Variants in FNBP4 observed in about 807,000 individuals in gnomAD.
The protein encoded by FNBP4 is formin-binding protein 4.
In FNBP4, 34 loss-of-function variants were observed where a neutral mutation model predicts 119.3. The observed-to-expected ratio is 0.28, with a 90% confidence interval of 0.22 to 0.38. The LOEUF (loss-of-function observed/expected upper bound fraction) is 0.38. Ranked by LOEUF, FNBP4 falls within the 10% of genes least tolerant of loss-of-function variation. The probability of loss-of-function intolerance (pLI) is 1.00; values close to 1 mark genes in which losing one functional copy is unlikely to be tolerated. For missense variants in FNBP4, 1,112 were observed against 1,228.9 expected, an observed-to-expected ratio of 0.90 and a Z score of 1.42; for synonymous variants, 462 against 430.6, an observed-to-expected ratio of 1.07 and a Z score of -0.90.
intron 1 of FNBP4, 101 bp downstream of exon 1, chr11:47,766,968 G>C (rs1234826965): frequency 7.1e-7 from 1 of 1,400,798 alleles, no homozygotes; most frequent in Non-Finnish European, 9.2e-7. Context: ...GGCCTCGGAA[G>C]CCGACCTCGC....
intron 16 of FNBP4, among the ~76,000 whole-genome samples, chr11:47,719,578 G>A (rs898528778): frequency 8.7e-3 from 53 of 6,106 alleles, no homozygotes; most frequent in South Asian, 0.073. Flanking sequence ...ATGTGTGTAT[G>A]TGTGTGTGTG....
chr11:47,719,109 C>T (rs920585679), intron 16 of FNBP4, among the ~76,000 whole-genome samples: 15 of 151,874 alleles, frequency 9.9e-5, no homozygotes, highest in Non-Finnish European at 1.9e-4. Flanking sequence ...AGGCTGGTCT[C>T]GAATTCCTGA....
At chr11:47,759,774 A>T (rs938601480) in intron 2 of FNBP4, among the ~76,000 whole-genome samples, 1 of 152,030 alleles carries the variant, frequency 6.6e-6, no homozygotes, top group African/African-American at 2.4e-5. Flanking sequence ...CAACATGGTG[A>T]AACTCATCTC....
chr11:47,744,874 T>C (rs1336613496), intron 7 of FNBP4, among the ~76,000 whole-genome samples: 2 of 152,350 alleles, frequency 1.3e-5, no homozygotes, highest in African/African-American at 4.8e-5. Flanking sequence ...CTGAGTAATG[T>C]CAAGTCTCTT....
At chr11:47,730,188 C>A (rs1429448649) in intron 12 of FNBP4, 1 of 985,238 alleles carries the variant, frequency 1.0e-6, no homozygotes, top group Non-Finnish European at 1.2e-6. Flanking sequence ...AGTTCATTAA[C>A]TGCTAAAAAG....
At chr11:47,744,780 A>C (rs911130068) in intron 7 of FNBP4, among the ~76,000 whole-genome samples, 1 of 152,198 alleles carries the variant, frequency 6.6e-6, no homozygotes, top group Non-Finnish European at 1.5e-5. Flanking sequence ...TACAGTTATT[A>C]TTGACTAGTC....
chr11:47,753,612 AAAAAAAC>A, intron 3 of FNBP4, among the ~76,000 whole-genome samples: 1 of 152,146 alleles, frequency 6.6e-6, no homozygotes, highest in Non-Finnish European at 1.5e-5. Context: ...CTCTGTCTCA[AAAAAAAC>A]AAAAAACAAA....
intron 14 of FNBP4, 52 bp downstream of exon 14, chr11:47,723,976 A>G: frequency 6.4e-7 from 1 of 1,552,694 alleles, no homozygotes; most frequent in Non-Finnish European, 8.7e-7. Context: ...TCTAATGCTG[A>G]AAAGAAAAGA....
intron 3 of FNBP4, 65 bp from the exon 4 acceptor site, chr11:47,753,167 C>A: frequency 7.3e-7 from 1 of 1,369,238 alleles, no homozygotes; most frequent in South Asian, 1.4e-5. Context: ...AAGGAAATGG[C>A]AATCACTTTT....
intron 2 of FNBP4, among the ~76,000 whole-genome samples, chr11:47,756,650 C>T (rs2097619215): frequency 6.6e-6 from 1 of 152,114 alleles, no homozygotes; most frequent in East Asian, 1.9e-4. Flanking sequence ...CACCCATTAA[C>T]TCATCATTAA....
intron 6 of FNBP4, among the ~76,000 whole-genome samples, chr11:47,749,924 T>C (rs10838758): frequency 0.35 from 52,599 of 152,060 alleles, 10,549 homozygotes; most frequent in South Asian, 0.52. Context: ...CCTGCAGTAG[T>C]TTTTAAAGTA....
At chr11:47,731,053 T>C (rs987107525) in intron 12 of FNBP4, among the ~76,000 whole-genome samples, 7 of 152,180 alleles carry the variant, frequency 4.6e-5, no homozygotes, top group African/African-American at 1.7e-4. Context: ...AGTTCAACTA[T>C]CTAGTTCCTC....
chr11:47,747,831 C>T (rs1416912623), intron 6 of FNBP4, among the ~76,000 whole-genome samples: 1 of 151,788 alleles, frequency 6.6e-6, no homozygotes, highest in African/African-American at 2.4e-5. Context: ...GCCTGTAATC[C>T]CAGCTATTCG....
At chr11:47,759,567 A>C (rs2097628536) in intron 2 of FNBP4, among the ~76,000 whole-genome samples, 1 of 152,204 alleles carries the variant, frequency 6.6e-6, no homozygotes, top group South Asian at 2.1e-4. Context: ...GAGCAGAACT[A>C]CCAAAGGAGA....
intron 12 of FNBP4, chr11:47,725,430 T>G (rs1352501230): frequency 6.6e-6 from 1 of 152,250 alleles, no homozygotes; most frequent in Admixed American, 6.5e-5. Flanking sequence ...GTCAACTATA[T>G]CATTCCTTCA....
chr11:47,756,934 CAGTCT>C (rs2097620245), intron 2 of FNBP4, among the ~76,000 whole-genome samples: 1 of 152,132 alleles, frequency 6.6e-6, no homozygotes, highest in Non-Finnish European at 1.5e-5. Flanking sequence ...TTTCTTAATC[CAGTCT>C]ATCATTGATG....
chr11:47,759,927 T>A (rs1388602893), intron 2 of FNBP4, among the ~76,000 whole-genome samples: 1 of 152,160 alleles, frequency 6.6e-6, no homozygotes, highest in African/African-American at 2.4e-5. Context: ...CACTCCAACC[T>A]GGGGAACAAG....
Position 47,767,216 on chromosome 11 carries a change from T to C in FNBP4, c.73A>G (p.Ser25Gly). 6.4e-7 allele frequency: 1 copy of C among 1,568,586 alleles called. No individual in the cohort carries two copies. The change falls in exon 1 of 17, where the codon AGC becomes GGC. Residue 25 changes from serine (S) to glycine (G), a missense_variant. By Grantham distance (56) the Ser-to-Gly change is moderately conservative. Coordinates refer to ENST00000263773, the MANE Select transcript of FNBP4 (RefSeq NM_015308.5). ...GGCTCCGGGTCCCGGCCCGGCGTGC[T>C]GCCCCGAGGACCCGGCGGAGAGAGT... ...LQLSPPGPRG[S>G]TPGRDPEPEP...
intron 8 of FNBP4, among the ~76,000 whole-genome samples, chr11:47,738,618 G>A (rs927662812): frequency 2.0e-5 from 3 of 152,054 alleles, no homozygotes; most frequent in African/African-American, 2.4e-5. Flanking sequence ...TGTGAAAACC[G>A]TGACTTTGGG....
Sources: allele counts gnomAD v4.1 joint callset (sites outside exome capture counted in the v4.1 genomes callset), GRCh38; gene constraint gnomAD v4.1.1; transcripts MANE v1.5; gene names NCBI Gene and HGNC (gene_info 2026-07-23, HGNC 2026-07-21).